Variants in USH2A observed in about 807,000 individuals in gnomAD.
The protein encoded by USH2A is usherin, also known as Usher syndrome 2A (autosomal recessive, mild).
USH2A carries 443 observed loss-of-function variants against 538.9 expected under a neutral mutation model. That is an observed-to-expected ratio of 0.82 (90% CI 0.76 to 0.89). The LOEUF (loss-of-function observed/expected upper bound fraction) is 0.89. USH2A is among the 40% of genes least tolerant of loss of function. The pLI is 0.00. For synonymous variants in USH2A, 2,413 were observed against 2,273.5 expected, an observed-to-expected ratio of 1.06 and a Z score of -1.75; for missense variants, 6,633 against 6,324.8, an observed-to-expected ratio of 1.05 and a Z score of -1.65.
At chr1:216,074,510 TATG>T (rs946679050) in intron 27 of USH2A, among the ~76,000 whole-genome samples, 4 of 152,304 alleles carry the variant, frequency 2.6e-5, no homozygotes, top group African/African-American at 7.2e-5. Flanking sequence ...TCAGCATTCA[TATG>T]ATGTCTTATT....
At chr1:216,399,484 G>A (rs1254335678) in intron 3 of USH2A, among the ~76,000 whole-genome samples, 1 of 151,986 alleles carries the variant, frequency 6.6e-6, no homozygotes, top group Non-Finnish European at 1.5e-5. Context: ...TTGTGAATTG[G>A]ACCCAGTTCA....
Position 215,758,581 on chromosome 1 carries a change from T to C in USH2A, c.11389+14A>G. ...GTTTACACACACACACACATACTTC[T>C]TTTTTTTTTTTACCTGGTGGTATCC... On this transcript the variant is annotated intron_variant, in intron 58 of 71. Coordinates refer to ENST00000307340, the MANE Select transcript of USH2A (RefSeq NM_206933.4). 9.2e-6 allele frequency: 4 copies of C among 435,396 alleles called. No homozygotes were observed. Among genetic ancestry groups the C allele is most frequent in the South Asian group, 1.5e-4 (2 of 13,630 alleles). 27.0% of individuals were successfully genotyped at this position (435,396 alleles called of 1,614,324 possible). A position where few individuals can be genotyped will look rare whatever the true frequency, so the allele number is the denominator to read the frequency against.
At chr1:215,678,719 C>T (rs1296087553) in intron 62 of USH2A, among the ~76,000 whole-genome samples, 1 of 152,152 alleles carries the variant, frequency 6.6e-6, no homozygotes, top group East Asian at 1.9e-4. Context: ...CACAGACACA[C>T]ACACACACAC....
chr1:216,102,903 G>T (rs1376536268), intron 21 of USH2A, among the ~76,000 whole-genome samples: 1 of 152,086 alleles, frequency 6.6e-6, no homozygotes, highest in African/African-American at 2.4e-5. Context: ...AATGCATAGG[G>T]TCACAAGATA....
At chr1:215,807,489 G>C (rs925245424) in intron 49 of USH2A, among the ~76,000 whole-genome samples, 6 of 152,116 alleles carry the variant, frequency 3.9e-5, no homozygotes, top group South Asian at 4.1e-4. Flanking sequence ...AATAGTGGTA[G>C]CATACAATCG....
intron 2 of USH2A, among the ~76,000 whole-genome samples, chr1:216,420,271 T>G (rs772885516): frequency 3.3e-5 from 5 of 152,146 alleles, no homozygotes; most frequent in Non-Finnish European, 5.9e-5. Flanking sequence ...TTACTGAAAA[T>G]GCATTTCTTA....
Position 216,048,670 on chromosome 1 carries a change from AG to A in USH2A, c.6050-24del, listed in dbSNP as rs570090751. ...TGCCTATAATAAAAAGGGACAAAAG[AG>A]GGTTGCGTGTTTACCATAAGCATCA... On this transcript the variant is annotated intron_variant, in intron 30 of 71. Transcript: ENST00000307340. 9.1e-4 allele frequency: 1,444 copies of A among 1,593,352 alleles called. 5 individuals carry two copies. In the African/African-American group the frequency reaches 0.017, roughly 18 times the overall value.
intron 52 of USH2A, among the ~76,000 whole-genome samples, chr1:215,784,144 C>T (rs1194851501): frequency 6.6e-6 from 1 of 152,242 alleles, no homozygotes; most frequent in Admixed American, 6.5e-5. Flanking sequence ...TCAGAGGCCT[C>T]CTGCTTAGAA....
At chr1:215,925,288 G>C (rs1039042561) in intron 38 of USH2A, among the ~76,000 whole-genome samples, 55 of 152,028 alleles carry the variant, frequency 3.6e-4, no homozygotes, top group Non-Finnish European at 2.9e-4. Flanking sequence ...AAATTAAATG[G>C]CCTGGTATGT....
rs148752756 is a variant in USH2A at position 216,218,913 on chromosome 1, T to G, written c.2994-1363A>C. ...CTCTTAATTTCTTTATAGGCTATTA[T>G]GTAGAGTCTATTGTTTATAGGCTTT... On this transcript the variant is annotated intron_variant, in intron 14 of 71. Coordinates refer to ENST00000307340, the MANE Select transcript of USH2A (RefSeq NM_206933.4). Among the ~76,000 whole-genome samples, 660 of 152,172 alleles carry G rather than the reference T, an allele frequency of 4.3e-3. 5 individuals are homozygous for G. The highest frequency in any genetic ancestry group is 0.015 in the African/African-American group (610 of 41,532).
intron 61 of USH2A, among the ~76,000 whole-genome samples, chr1:215,726,454 G>A (rs1659819824): frequency 6.6e-6 from 1 of 152,062 alleles, no homozygotes; most frequent in African/African-American, 2.4e-5. Context: ...TTAAACATGA[G>A]GACAGTGGGA....
chr1:216,175,392 G>A lies in USH2A; in HGVS notation c.4487C>T (p.Pro1496Leu). ...RWFPPEELNG[P>L]SPIYQLERRE... ...CCTTTCCAGCTGATATATAGGAGAG[G>A]GTCCATTCAGTTCTTCAGGTGGAAA... Residue 1496 changes from proline (P) to leucine (L), a missense_variant, in exon 21 of 72, where the codon CCC becomes CTC. Pro to Leu is a moderately conservative substitution (Grantham distance 98). Transcript: ENST00000307340. 6.2e-7 allele frequency: 1 copy of A among 1,613,712 alleles called. No individual in the cohort carries two copies. Among genetic ancestry groups the A allele is most frequent in the Non-Finnish European group, 8.5e-7 (1 of 1,179,856 alleles).
chr1:216,334,365 C>T (rs1028922450), intron 4 of USH2A, among the ~76,000 whole-genome samples: 9 of 151,740 alleles, frequency 5.9e-5, no homozygotes, highest in African/African-American at 2.2e-4. Context: ...AAATTATACA[C>T]TAGAAGATAA....
At chr1:216,173,238 TCAATAAAATCATTCAGC>T (rs2034306454) in intron 21 of USH2A, among the ~76,000 whole-genome samples, 2 of 152,116 alleles carry the variant, frequency 1.3e-5, no homozygotes, top group Admixed American at 6.6e-5. Context: ...TCGGTACAAC[TCAATAAAATCATTCAGC>T]CAAACCTGGC....
At chr1:216,348,670 C>T (rs13373832) in intron 4 of USH2A, among the ~76,000 whole-genome samples, 2,840 of 152,018 alleles carry the variant, frequency 0.019, 90 homozygotes, top group African/African-American at 0.061. Flanking sequence ...CTCATTTTTG[C>T]GCACAAATCG....
At position 216,046,426 on chromosome 1, in the gene USH2A, C is replaced by G; in HGVS notation, c.6325+5G>C. The G allele has an allele frequency of 6.2e-7, 1 of 1,613,416 alleles. No homozygotes were observed. The highest frequency in any genetic ancestry group is 8.5e-7 in the Non-Finnish European group (1 of 1,179,510). On this transcript the variant is annotated splice_donor_5th_base_variant and intron_variant, in intron 32 of 71. Transcript: ENST00000307340. The stretch of plus-strand genomic sequence containing the variant: ...ACAATTCGCTGATAACTCTAGAGGT[C>G]TTACCTGTGACTATGTAGTTCTCCT...
chr1:215,989,358 A>T (rs1285941570), intron 35 of USH2A, among the ~76,000 whole-genome samples: 2 of 152,034 alleles, frequency 1.3e-5, no homozygotes, highest in Non-Finnish European at 2.9e-5. Flanking sequence ...ACATGTCCAC[A>T]TCTCATAGGG....
At chr1:216,417,180 A>G (rs1466268600) in intron 3 of USH2A, among the ~76,000 whole-genome samples, 5 of 151,982 alleles carry the variant, frequency 3.3e-5, no homozygotes, top group Non-Finnish European at 2.9e-5. Context: ...CATTTGCTAA[A>G]CTCATATCTT....
Position 215,766,663 on chromosome 1 carries a change from T to G in USH2A, c.11047+18A>C. 1 of 1,607,680 alleles carries G rather than the reference T, an allele frequency of 6.2e-7. No homozygotes were observed. Among genetic ancestry groups the G allele is most frequent in the South Asian group, 1.1e-5 (1 of 90,972 alleles). Reference sequence around the variant, plus strand: ...TGTGAAAATTTCTTCCCTCAAACCATGGATATTGTTTCATTACCTTCAGGA... The same window carrying G: ...TGTGAAAATTTCTTCCCTCAAACCAGGGATATTGTTTCATTACCTTCAGGA... On this transcript the variant is annotated intron_variant, in intron 56 of 71. Coordinates refer to ENST00000307340, the MANE Select transcript of USH2A (RefSeq NM_206933.4).
Sources: allele counts gnomAD v4.1 joint callset (sites outside exome capture counted in the v4.1 genomes callset), GRCh38; gene constraint gnomAD v4.1.1; transcripts MANE v1.5; gene names NCBI Gene and HGNC (gene_info 2026-07-23, HGNC 2026-07-21).